Variants in SCFD1 observed in about 807,000 individuals in gnomAD.
SCFD1 encodes sec1 family domain containing 1.
A neutral mutation model predicts 103.2 loss-of-function variants in SCFD1; 37 were observed. The observed-to-expected ratio is 0.36, with a 90% CI of 0.28 to 0.47. The LOEUF (loss-of-function observed/expected upper bound fraction) is 0.47, where lower values mean the gene tolerates loss of function less well. Ranked by LOEUF, SCFD1 falls within the 20% of genes least tolerant of loss-of-function variation. SCFD1 has a pLI of 1.00. For missense variants in SCFD1, 639 were observed against 761.2 expected (o/e 0.84, Z 1.89); for synonymous variants, 264 against 245.0 (o/e 1.08, Z -0.73).
intron 19 of SCFD1, among the ~76,000 whole-genome samples, chr14:30,713,233 CATT>C (rs1892019291): frequency 1.3e-5 from 2 of 152,096 alleles, no homozygotes; most frequent in South Asian, 4.1e-4. Context: ...GTTTTAAAGA[CATT>C]ATGTATTTTT....
chr14:30,654,001 T>A (rs1027540066), intron 10 of SCFD1: 2 of 153,748 alleles, frequency 1.3e-5, no homozygotes, highest in Non-Finnish European at 2.9e-5. Context: ...AATAGTATTT[T>A]TTATGTTACA....
chr14:30,702,234 C>CA, intron 16 of SCFD1, 62 bp from the exon 17 acceptor site: 2 of 1,081,674 alleles, frequency 1.8e-6, no homozygotes, highest in Non-Finnish European at 2.7e-6. Context: ...AATCAAATGG[C>CA]AACAAATAAC....
chr14:30,732,149 G>A (rs543128804), intron 23 of SCFD1, among the ~76,000 whole-genome samples: 8 of 152,206 alleles, frequency 5.3e-5, no homozygotes, highest in Admixed American at 2.0e-4. Context: ...AAATCCAACC[G>A]ATTTTTATGT....
chr14:30,633,794 C>T (rs1452697353), intron 3 of SCFD1, among the ~76,000 whole-genome samples, 153 bp from the exon 4 acceptor site: 1 of 152,188 alleles, frequency 6.6e-6, no homozygotes, highest in Admixed American at 6.5e-5. Flanking sequence ...ACAACACTGA[C>T]ATGGGAGAAA....
chr14:30,697,906 A>C (rs978413181), intron 15 of SCFD1, among the ~76,000 whole-genome samples: 1 of 152,230 alleles, frequency 6.6e-6, no homozygotes, highest in Non-Finnish European at 1.5e-5. Flanking sequence ...TCCTTTTTCC[A>C]TTAAATATAC....
At chr14:30,707,261 G>A (rs1447400780) in intron 18 of SCFD1, among the ~76,000 whole-genome samples, 1 of 152,162 alleles carries the variant, frequency 6.6e-6, no homozygotes, top group Admixed American at 6.5e-5. Flanking sequence ...AGATTTTAAT[G>A]CAGGATTACT....
chr14:30,735,544 C>A (rs1566674912), intron 24 of SCFD1, 42 bp from the exon 25 acceptor site: 3 of 1,403,062 alleles, frequency 2.1e-6, no homozygotes, highest in East Asian at 2.3e-5. Flanking sequence ...CTTTTATGAT[C>A]TTTTTTAAAA....
chr14:30,700,793 T>C (rs1462030503), intron 16 of SCFD1, among the ~76,000 whole-genome samples: 1 of 152,246 alleles, frequency 6.6e-6, no homozygotes, highest in Non-Finnish European at 1.5e-5. Flanking sequence ...TCTGACTACT[T>C]TTAAGTTGTT....
chr14:30,657,043 A>C (rs1192850541), intron 10 of SCFD1, among the ~76,000 whole-genome samples: 1 of 152,076 alleles, frequency 6.6e-6, no homozygotes, highest in East Asian at 1.9e-4. Context: ...GGTAGGAGCA[A>C]GGGGCAAGTG....
chr14:30,643,541 T>TA (rs1885502715), intron 7 of SCFD1, 136 bp downstream of exon 7: 3 of 630,970 alleles, frequency 4.8e-6, no homozygotes, highest in African/African-American at 3.7e-5. Context: ...AAATATATAT[T>TA]CAATAGTATA....
chr14:30,709,299 T>G (rs1317236628), intron 19 of SCFD1, among the ~76,000 whole-genome samples: 1 of 152,220 alleles, frequency 6.6e-6, no homozygotes, highest in Non-Finnish European at 1.5e-5. Context: ...GTTATTTTTT[T>G]CTTTTTCTTT....
At chr14:30,708,985 C>T (rs994290878) in intron 19 of SCFD1, among the ~76,000 whole-genome samples, 3 of 152,126 alleles carry the variant, frequency 2.0e-5, no homozygotes, top group African/African-American at 4.8e-5. Context: ...CATTATCAAA[C>T]TCTCCTGAAT....
intron 19 of SCFD1, among the ~76,000 whole-genome samples, chr14:30,714,644 A>T (rs924833394): frequency 6.6e-6 from 1 of 152,126 alleles, no homozygotes; most frequent in African/African-American, 2.4e-5. Context: ...GAAAATCCTT[A>T]TATAATAGTA....
At chr14:30,671,734 T>C (rs1286613943) in intron 11 of SCFD1, among the ~76,000 whole-genome samples, 1 of 152,106 alleles carries the variant, frequency 6.6e-6, no homozygotes, top group African/African-American at 2.4e-5. Context: ...ATCAGTAAAA[T>C]AGGGAGATAA....
intron 7 of SCFD1, among the ~76,000 whole-genome samples, chr14:30,644,514 A>AT (rs1014131082): frequency 8.5e-4 from 129 of 152,194 alleles, no homozygotes; most frequent in Non-Finnish European, 1.2e-3. Flanking sequence ...AACATCTGTT[A>AT]TTTTTTGACT....
intron 7 of SCFD1, among the ~76,000 whole-genome samples, chr14:30,645,157 T>C (rs902563232): frequency 1.4e-4 from 22 of 152,218 alleles, no homozygotes; most frequent in Non-Finnish European, 2.9e-4. Context: ...TGTGGCTTTA[T>C]TTCTGGGTTC....
At chr14:30,628,321 A>G in intron 2 of SCFD1, 42 bp downstream of exon 2, 1 of 1,335,246 alleles carries the variant, frequency 7.5e-7, no homozygotes, top group East Asian at 2.3e-5. Flanking sequence ...TGTTTTTCTC[A>G]GCCCTTATTG....
Position 30,700,178 on chromosome 14 carries a change from C to A in SCFD1, c.1340-10C>A, listed in dbSNP as rs1337526199. 6.3e-7 allele frequency: 1 copy of A among 1,594,268 alleles called. No individual in the cohort carries two copies. The highest frequency in any genetic ancestry group is 2.2e-5 in the East Asian group (1 of 44,762). On this transcript the variant is annotated splice_polypyrimidine_tract_variant and intron_variant, in intron 15 of 24. Transcript: ENST00000458591. ...TGAAAATATTTTTTAACCTCTTTTC[C>A]CCTATGCAGCAGGAACTCCAGAAGA... is the stretch of plus-strand genomic sequence containing the variant.
chr14:30,721,855 A>G (rs1892672169), intron 21 of SCFD1, 29 bp from the exon 22 acceptor site: 1 of 1,594,074 alleles, frequency 6.3e-7, no homozygotes, highest in African/African-American at 1.3e-5. Flanking sequence ...CATGGGTGAA[A>G]TTTTCATTAC....
Sources: gnomAD v4.1 joint callset for allele counts (sites outside exome capture counted in the v4.1 genomes callset) on GRCh38, gnomAD v4.1.1 for gene constraint, MANE v1.5 for transcripts, NCBI Gene and HGNC (gene_info 2026-07-23, HGNC 2026-07-21) for gene names.